The following POU2F2 variants were observed in gnomAD, a reference collection of about 807,000 sequenced individuals.
POU2F2 encodes the protein POU domain, class 2, transcription factor 2.
A neutral mutation model predicts 63.5 loss-of-function variants in POU2F2; 14 were observed. The ratio of observed to expected loss-of-function variants is 0.22; its 90% confidence interval spans 0.15 to 0.34. The LOEUF is 0.34. Ranked by LOEUF, POU2F2 falls within the 10% of genes least tolerant of loss-of-function variation. POU2F2 has a pLI of 1.00. For synonymous variants in POU2F2, 306 were observed against 348.6 expected (o/e 0.88, Z 1.36); for missense variants, 607 against 815.2 (o/e 0.74, Z 3.11).
intron 2 of POU2F2, among the ~76,000 whole-genome samples, chr19:42,142,221 C>T (rs2034142218): frequency 6.6e-6 from 1 of 152,154 alleles, no homozygotes; most frequent in Admixed American, 6.5e-5. Context: ...GATAGAGTCT[C>T]ACTCTGTCAC....
chr19:42,161,383 T>C (rs1302481074), intron 1 of POU2F2, among the ~76,000 whole-genome samples: 1 of 152,018 alleles, frequency 6.6e-6, no homozygotes, highest in Non-Finnish European at 1.5e-5. Flanking sequence ...CAATCCAGTT[T>C]GCCTTTGGAA....
At chr19:42,128,733 A>T (rs1313171827) in intron 1 of POU2F2, among the ~76,000 whole-genome samples, 1 of 151,930 alleles carries the variant, frequency 6.6e-6, no homozygotes, top group Non-Finnish European at 1.5e-5. Context: ...CTATCACTCA[A>T]CTCTAGAAAA....
intron 5 of POU2F2, 89 bp from the exon 6 acceptor site, chr19:42,099,910 A>G: frequency 9.5e-7 from 1 of 1,050,996 alleles, no homozygotes; most frequent in East Asian, 2.6e-5. Context: ...AGGGGCTGAA[A>G]CCAGGAAGCT....
chr19:42,186,314 G>A (rs1220901857), intron 1 of POU2F2, among the ~76,000 whole-genome samples: 1 of 152,014 alleles, frequency 6.6e-6, no homozygotes, highest in Admixed American at 6.6e-5. Context: ...ACCCTGGCTG[G>A]ACAGAGCGAG....
chr19:42,171,175 G>A (rs888709811), intron 1 of POU2F2, among the ~76,000 whole-genome samples: 2 of 152,228 alleles, frequency 1.3e-5, no homozygotes, highest in African/African-American at 4.8e-5. Context: ...TTCAATGACC[G>A]CTGGCCACAG....
chr19:42,130,982 T>TG (rs1568402770), intron 1 of POU2F2, among the ~76,000 whole-genome samples: 1 of 71,878 alleles, frequency 1.4e-5, no homozygotes, highest in Non-Finnish European at 2.5e-5. Context: ...CCCCTCTGCC[T>TG]GAGCCTCCCC....
Position 42,156,433 on chromosome 19 carries a change from C to G in POU2F2, c.-9+3899G>C, listed in dbSNP as rs757800516. ...AGACCCTCACATCTGGACTCCACATCCAGCGAGGAGTGCCCCTGCCCACCA... is the reference window on the plus strand; with the variant it reads ...AGACCCTCACATCTGGACTCCACATGCAGCGAGGAGTGCCCCTGCCCACCA... On this transcript the variant is annotated intron_variant, in intron 2 of 6. Transcript: ENST00000524801. The surrounding 1 kb of genome is among the most constrained non-coding windows in gnomAD (Gnocchi z 4.1). 1 of 152,822 alleles carries G rather than the reference C, an allele frequency of 6.5e-6. No individual in the cohort carries two copies. Among genetic ancestry groups the G allele is most frequent in the Non-Finnish European group, 1.5e-5 (1 of 68,206 alleles). The allele number at this position is 152,822 out of a possible 1,614,324, so 9.5% of individuals were successfully genotyped here.
chr19:42,194,758 C>CAAAAAA lies in POU2F2; in HGVS notation c.-70+1619_-70+1624dup, dbSNP rs71167389. ...TGGGCAACAGAGTGAGACTCTGTCT[C>CAAAAAA]AAAAAAAAAAAAAAAAAAAAAAAAA... On this transcript the variant is annotated intron_variant, in intron 1 of 5. Coordinates refer to the POU2F2 transcript ENST00000532176. Among the ~76,000 whole-genome samples, 5 of 21,742 alleles carry CAAAAAA rather than the reference C, an allele frequency of 2.3e-4. 1 individual carries two copies. Among genetic ancestry groups the CAAAAAA allele is most frequent in the African/African-American group, 1.1e-3 (5 of 4,632 alleles). The allele number at this position is 21,742 out of a possible 152,430, so 14.3% of individuals were successfully genotyped here. A position where few individuals can be genotyped will look rare whatever the true frequency, so the allele number is the denominator to read the frequency against.
intron 1 of POU2F2, among the ~76,000 whole-genome samples, chr19:42,167,412 C>T (rs2034674285): frequency 6.6e-6 from 1 of 151,902 alleles, no homozygotes; most frequent in African/African-American, 2.4e-5. Flanking sequence ...TGAGATTGCA[C>T]CACTGCACTC....
rs2076868259 is a variant in POU2F2 at position 42,095,121 on chromosome 19, G to T, written c.1197+165C>A. ...CCCCATGTAAGACCACAGTTCCCTG[G>T]AAACCGTCCCTGTGTAACTGTGCCC... On this transcript the variant is annotated intron_variant, in intron 11 of 14. Coordinates refer to ENST00000692977, the MANE Select transcript of POU2F2 (RefSeq NM_001394376.1). This position sits in a 1 kb window ranked among gnomAD's most constrained non-coding sequence, Gnocchi z 7.1. Among the ~76,000 whole-genome samples, 1 of 152,176 alleles carries T rather than the reference G, an allele frequency of 6.6e-6. No homozygotes were observed. Among genetic ancestry groups the T allele is most frequent in the African/African-American group, 2.4e-5 (1 of 41,430 alleles).
chr19:42,141,473 C>CTTTTTTTT (rs58221767), intron 2 of POU2F2, among the ~76,000 whole-genome samples: 2 of 98,976 alleles, frequency 2.0e-5, no homozygotes, highest in Non-Finnish European at 3.8e-5. Flanking sequence ...CTTAATTAAT[C>CTTTTTTTT]TTTTTTTTTT....
intron 4 of POU2F2, among the ~76,000 whole-genome samples, chr19:42,119,216 AG>A (rs1306810376): frequency 1.3e-5 from 2 of 151,958 alleles, no homozygotes; most frequent in Admixed American, 6.5e-5. Context: ...TCAGGGTAGC[AG>A]CTATCCCTGG....
intron 1 of POU2F2, among the ~76,000 whole-genome samples, chr19:42,130,337 A>G (rs1400284862): frequency 6.6e-6 from 1 of 152,122 alleles, no homozygotes; most frequent in Non-Finnish European, 1.5e-5. Flanking sequence ...ATACACCCAG[A>G]GTCACCTTAT....
chr19:42,176,442 C>T (rs1342586708), upstream of POU2F2, among the ~76,000 whole-genome samples: 1 of 152,120 alleles, frequency 6.6e-6, no homozygotes, highest in East Asian at 1.9e-4. Flanking sequence ...TTTCTCTAGT[C>T]TGCGCTCTTG....
intron 5 of POU2F2, among the ~76,000 whole-genome samples, chr19:42,108,682 T>G (rs752580985): frequency 6.6e-6 from 1 of 152,188 alleles, no homozygotes; most frequent in Non-Finnish European, 1.5e-5. Flanking sequence ...GGAGGCGCCA[T>G]TTCTCCACAA....
At position 42,086,701 on chromosome 19, in the gene POU2F2, G is replaced by A. The variant is rs999073749; in HGVS notation, c.*4556C>T. On this transcript the variant is annotated 3_prime_UTR_variant, in exon 15 of 15. Coordinates refer to ENST00000692977, the MANE Select transcript of POU2F2 (RefSeq NM_001394376.1). ...ATCCAAAGGCTCTCTACGAGTTGCC[G>A]AGAGAGGCCCCCAGTCACCCTGCAA... The A allele has an allele frequency of 3.3e-5, 5 of 150,518 alleles. No homozygotes were observed. The highest frequency in any genetic ancestry group is 1.9e-4 in the East Asian group (1 of 5,196). The allele number at this position is 150,518 out of a possible 1,614,324, so 9.3% of individuals were successfully genotyped here. A position where few individuals can be genotyped will look rare whatever the true frequency, so the allele number is the denominator to read the frequency against.
At chr19:42,195,746 C>T (rs1300665517) in intron 1 of POU2F2, among the ~76,000 whole-genome samples, 5 of 148,034 alleles carry the variant, frequency 3.4e-5, no homozygotes, top group Non-Finnish European at 7.5e-5. Flanking sequence ...CCCTTCCTCC[C>T]TTTCTGCCTT....
chr19:42,137,014 C>G (rs975563372), upstream of POU2F2: 1 of 152,176 alleles, frequency 6.6e-6, no homozygotes, highest in Non-Finnish European at 1.5e-5. Flanking sequence ...AAGGAGCTAA[C>G]AGTCTGAGAG....
chr19:42,191,307 C>A (rs1351182504), intron 1 of POU2F2, among the ~76,000 whole-genome samples: 1 of 152,216 alleles, frequency 6.6e-6, no homozygotes, highest in African/African-American at 2.4e-5. Flanking sequence ...TCTTCTCCAA[C>A]TCCCAGCTCT....
Sources: gnomAD v4.1 joint callset for allele counts (sites outside exome capture counted in the v4.1 genomes callset) on GRCh38, gnomAD v4.1.1 for gene constraint, Gnocchi (gnomAD v3.1) non-coding constraint, MANE v1.5 for transcripts, NCBI Gene and HGNC (gene_info 2026-07-23, HGNC 2026-07-21) for gene names.